The following C14orf132 variants were observed in gnomAD, a reference collection of about 807,000 sequenced individuals.
C14orf132 encodes the protein uncharacterized protein C14orf132.
Under a neutral mutation model 5.8 loss-of-function variants are expected in C14orf132, and 6 were observed. The ratio of observed to expected loss-of-function variants is 1.03; its 90% CI spans 0.57 to 2.04. The LOEUF (loss-of-function observed/expected upper bound fraction) is 2.04. C14orf132 is among the 30% of genes most tolerant of loss of function. The pLI is 0.00. For missense variants in C14orf132, 125 were observed against 115.8 expected, an observed-to-expected ratio of 1.08 and a Z score of -0.37; for synonymous variants, 51 against 49.8, an observed-to-expected ratio of 1.02 and a Z score of -0.10.
chr14:96,078,059 G>A lies in C14orf132; in HGVS notation c.28-8452G>A, dbSNP rs564977591. On this transcript the variant is annotated intron_variant, in intron 1 of 1. Transcript: ENST00000555004. Reference sequence around the variant, plus strand: ...GTAACCCTCTGGCTGCAAAGCCTGCGTTTCTGCCCGCTGCATCCTCATGTG... The same window carrying A: ...GTAACCCTCTGGCTGCAAAGCCTGCATTTCTGCCCGCTGCATCCTCATGTG... Among the ~76,000 whole-genome samples the A allele has an allele frequency of 2.0e-5, 3 of 152,370 alleles. No individual in the cohort carries two copies. The South Asian group carries it at 6.2e-4, about 32-fold the overall frequency.
rs546809495 is a variant in C14orf132 at position 96,065,874 on chromosome 14, G to A, written c.28-20637G>A. On this transcript the variant is annotated intron_variant, in intron 1 of 1. Transcript: ENST00000555004. ...GCTGAATCACTTCAAAGATGCTATC[G>A]AGTTAATTGGGGTAGAATAAATACT... Among the ~76,000 whole-genome samples, 272 of 152,254 alleles carry A rather than the reference G, an allele frequency of 1.8e-3. 2 individuals are homozygous for A. The highest frequency in any genetic ancestry group is 3.5e-3 in the Non-Finnish European group (238 of 68,036).
chr14:96,078,073 C>T (rs1404560871), intron 1 of C14orf132, among the ~76,000 whole-genome samples: 1 of 152,250 alleles, frequency 6.6e-6, no homozygotes, highest in Non-Finnish European at 1.5e-5. Context: ...CTGCCCGCTG[C>T]ATCCTCATGT....
At chr14:96,062,218 C>T (rs972303573) in intron 1 of C14orf132, among the ~76,000 whole-genome samples, 1 of 152,092 alleles carries the variant, frequency 6.6e-6, no homozygotes, top group African/African-American at 2.4e-5. Context: ...TTCTCTGAAC[C>T]TTCCACAGTC....
intron 1 of C14orf132, among the ~76,000 whole-genome samples, chr14:96,059,402 T>C (rs1887278113): frequency 1.3e-5 from 2 of 152,222 alleles, no homozygotes; most frequent in Admixed American, 6.5e-5. Flanking sequence ...TTGACATGTA[T>C]TGAGCACTCA....
At chr14:96,048,635 C>T (rs995344283) in intron 1 of C14orf132, among the ~76,000 whole-genome samples, 2 of 152,100 alleles carry the variant, frequency 1.3e-5, no homozygotes, top group African/African-American at 2.4e-5. Flanking sequence ...AAGTGATTCA[C>T]CTGCCTCAGC....
intron 1 of C14orf132, among the ~76,000 whole-genome samples, chr14:96,081,326 A>G (rs1008941714): frequency 3.9e-5 from 6 of 152,228 alleles, no homozygotes; most frequent in Admixed American, 1.3e-4. Flanking sequence ...TGTCTTTATT[A>G]TTTCCTCTGT....
intron 1 of C14orf132, among the ~76,000 whole-genome samples, chr14:96,074,548 G>GT (rs11311729): frequency 0.25 from 35,751 of 145,366 alleles, 4,835 homozygotes; most frequent in Non-Finnish European, 0.32. Flanking sequence ...TAAGGCATGA[G>GT]TTTTTTTTTT....
chr14:96,068,706 G>A (rs1433104218), intron 1 of C14orf132, among the ~76,000 whole-genome samples: 3 of 152,130 alleles, frequency 2.0e-5, no homozygotes, highest in African/African-American at 7.2e-5. Flanking sequence ...GCAAAGTTCC[G>A]CCCATTAGCT....
chr14:96,084,874 C>A (rs1888132958), intron 1 of C14orf132, among the ~76,000 whole-genome samples: 1 of 152,172 alleles, frequency 6.6e-6, no homozygotes, highest in Admixed American at 6.5e-5. Context: ...GAAGCAGATG[C>A]TCAAGGGCCA....
rs1183882379 is a variant in C14orf132 at position 96,047,602 on chromosome 14, T to G, written c.27+8075T>G. On this transcript the variant is annotated intron_variant, in intron 1 of 1. Transcript: ENST00000555004. ...AACACACACAATCTCACTGAATCCT[T>G]GCAATGGCCCCTTGGAATAGGCACA... 4.6e-5 allele frequency among the ~76,000 whole-genome samples: 7 copies of G among 152,318 alleles called. No individual in the cohort carries two copies. In the East Asian group the frequency reaches 1.3e-3, roughly 29 times the overall value.
In C14orf132 at chr14:96,087,833, T is replaced by C. The variant is rs530473233; in HGVS notation, c.*1098T>C. ...CTTCTGCCCAAGCCACTTCCTTAAA[T>C]TCTGAAATATCAGCATCTGGGGTCC... On this transcript the variant is annotated 3_prime_UTR_variant, in exon 2 of 2. Transcript: ENST00000555004. 1 of 152,302 alleles carries C rather than the reference T, an allele frequency of 6.6e-6. No homozygotes were observed. Among genetic ancestry groups the C allele is most frequent in the South Asian group, 2.1e-4 (1 of 4,820 alleles). The allele number at this position is 152,302 out of a possible 1,614,324, so 9.4% of individuals were successfully genotyped here.
In C14orf132 at chr14:96,092,747, C is replaced by A. The variant is rs45584332; in HGVS notation, c.*6012C>A. The A allele has an allele frequency of 0.088, 13,337 of 152,216 alleles. 833 individuals carry two copies. The highest frequency in any genetic ancestry group is 0.13 in the Non-Finnish European group (8,974 of 68,012). 9.4% of individuals were successfully genotyped at this position (152,216 alleles called of 1,614,324 possible). ...AGACAGGGGTCTTGAGCCCAGGACA[C>A]CTAACTATCGAGTTTTCACTAGGAG... On this transcript the variant is annotated 3_prime_UTR_variant, in exon 2 of 2. Coordinates refer to ENST00000555004, the MANE Select transcript of C14orf132 (RefSeq NM_001252507.3).
At position 96,086,550 on chromosome 14, in the gene C14orf132, G is replaced by T. The variant is rs766320594; in HGVS notation, c.67G>T (p.Glu23Ter). ...MGGAFMDSPN[E>*]DFSTEYSLFN... Reference sequence around the variant, plus strand: ...GGGAGCTTTCATGGACTCGCCCAACGAGGACTTCAGCACCGAGTACTCCCT... The same window carrying T: ...GGGAGCTTTCATGGACTCGCCCAACTAGGACTTCAGCACCGAGTACTCCCT... Residue 23 changes from glutamate to a stop codon, truncating the protein, a stop_gained, in exon 2 of 2, where the codon GAG becomes TAG. Coordinates refer to ENST00000555004, the MANE Select transcript of C14orf132 (RefSeq NM_001252507.3). LOFTEE classifies it high-confidence loss of function. 1.3e-6 allele frequency: 2 copies of T among 1,536,072 alleles called. No individual in the cohort carries two copies. The highest frequency in any genetic ancestry group is 1.2e-5 in the South Asian group (1 of 84,056).
At chr14:96,082,107 G>T (rs1229214625) in intron 1 of C14orf132, among the ~76,000 whole-genome samples, 1 of 152,100 alleles carries the variant, frequency 6.6e-6, no homozygotes, top group African/African-American at 2.4e-5. Context: ...AGGGTTTAAG[G>T]TTAGGCTCAC....
At chr14:96,062,183 C>A (rs1408991525) in intron 1 of C14orf132, among the ~76,000 whole-genome samples, 1 of 152,072 alleles carries the variant, frequency 6.6e-6, no homozygotes, top group Admixed American at 6.5e-5. Flanking sequence ...CTCCATGGAT[C>A]GAGTCCCTGC....
At chr14:96,042,547 C>A (rs1191090138) in intron 1 of C14orf132, among the ~76,000 whole-genome samples, 1 of 152,212 alleles carries the variant, frequency 6.6e-6, no homozygotes, top group African/African-American at 2.4e-5. Flanking sequence ...AATGTGATTC[C>A]TGTTTTTGGC....
intron 1 of C14orf132, among the ~76,000 whole-genome samples, chr14:96,054,128 G>A (rs1234244771): frequency 6.6e-6 from 1 of 152,166 alleles, no homozygotes; most frequent in Non-Finnish European, 1.5e-5. Context: ...CGCCCATGTA[G>A]AAGCACAGAC....
chr14:96,090,552 C>A lies in C14orf132; in HGVS notation c.*3817C>A, dbSNP rs529925157. The A allele has an allele frequency of 6.6e-6, 3 of 453,460 alleles. No homozygotes were observed. The highest frequency in any genetic ancestry group is 4.7e-5 in the South Asian group (3 of 64,230). The allele number at this position is 453,460 out of a possible 1,614,324, so 28.1% of individuals were successfully genotyped here. A position where few individuals can be genotyped will look rare whatever the true frequency, so the allele number is the denominator to read the frequency against. ...TCCAGGGACCCAGGCAGGATGATGGCGCAGCTCTTCCTACTCCAAGCCAAT... is the reference window on the plus strand; with the variant it reads ...TCCAGGGACCCAGGCAGGATGATGGAGCAGCTCTTCCTACTCCAAGCCAAT... On this transcript the variant is annotated 3_prime_UTR_variant, in exon 2 of 2. Transcript: ENST00000555004.
At position 96,090,171 on chromosome 14, in the gene C14orf132, C is replaced by G. The variant is rs1018669431; in HGVS notation, c.*3436C>G. On this transcript the variant is annotated 3_prime_UTR_variant, in exon 2 of 2. Coordinates refer to ENST00000555004, the MANE Select transcript of C14orf132 (RefSeq NM_001252507.3). ...ATCCCGGCACTTTGGGAGGCCGAGGCGGGCAGGGACAGGAGTTCAAGACCA... is the reference window on the plus strand; with the variant it reads ...ATCCCGGCACTTTGGGAGGCCGAGGGGGGCAGGGACAGGAGTTCAAGACCA... 1.3e-5 allele frequency: 2 copies of G among 159,476 alleles called. No individual in the cohort carries two copies. The highest frequency in any genetic ancestry group is 4.8e-5 in the African/African-American group (2 of 41,406). 9.9% of individuals were successfully genotyped at this position (159,476 alleles called of 1,614,324 possible).
Sources: gnomAD v4.1 joint callset for allele counts (sites outside exome capture counted in the v4.1 genomes callset) on GRCh38, gnomAD v4.1.1 for gene constraint, MANE v1.5 for transcripts, NCBI Gene and HGNC (gene_info 2026-07-23, HGNC 2026-07-21) for gene names.